GAS2L1: variants seen among roughly 807,000 people sequenced by gnomAD.
GAS2L1 encodes growth arrest specific 2 like 1.
GAS2L1 carries 26 observed loss-of-function variants against 44.0 expected under a neutral mutation model. That is an observed-to-expected ratio of 0.59 (90% CI 0.43 to 0.82). The LOEUF (loss-of-function observed/expected upper bound fraction) is 0.82. Among genes scored for constraint, GAS2L1 ranks in the 40% least tolerant of loss-of-function variants. The pLI, the probability that GAS2L1 is intolerant of heterozygous loss-of-function variation, is 0.00. For synonymous variants in GAS2L1, 426 were observed against 415.9 expected (o/e 1.02, Z -0.30); for missense variants, 1,006 against 983.0 (o/e 1.02, Z -0.31).
Position 29,311,415 on chromosome 22 carries a change from A to G in GAS2L1, c.1011-47A>G, listed in dbSNP as rs948676274. ...CCTCTCCCTGCCTGTTCTGCATGCCAGTCCTTCCGTGGTACCCCATCTGTC... is the reference window on the plus strand; with the variant it reads ...CCTCTCCCTGCCTGTTCTGCATGCCGGTCCTTCCGTGGTACCCCATCTGTC... On this transcript the variant is annotated intron_variant, in intron 4 of 4. Transcript: ENST00000618518. 7 of 737,360 alleles carry G rather than the reference A, an allele frequency of 9.5e-6. No homozygotes were observed. In the African/African-American group the frequency reaches 1.3e-4, roughly 13 times the overall value. The allele number at this position is 737,360 out of a possible 1,614,324, so 45.7% of individuals were successfully genotyped here. A position where few individuals can be genotyped will look rare whatever the true frequency, so the allele number is the denominator to read the frequency against.
intron 1 of GAS2L1, 56 bp from the exon 3 acceptor site, chr22:29,310,383 T>TA: frequency 1.0e-6 from 1 of 961,550 alleles, no homozygotes; most frequent in Non-Finnish European, 1.7e-6. Context: ...TGGCTGACAT[T>TA]AAGCCCCAGG....
chr22:29,310,221 A>C (rs1028363516), intron 1 of GAS2L1: 32 of 274,162 alleles, frequency 1.2e-4, no homozygotes, highest in African/African-American at 6.7e-4. Flanking sequence ...CAGCCTGGGC[A>C]ACAAGAGCAA....
intron 4 of GAS2L1, 170 bp from the exon 6 acceptor site, chr22:29,311,292 C>G (rs1413995374): frequency 2.6e-5 from 15 of 582,972 alleles, no homozygotes; most frequent in Non-Finnish European, 3.9e-5. Context: ...TTTTGGGGCC[C>G]TGGGCCGCTG....
At chr22:29,312,082 C>T (rs1377402510) in exon 5 of GAS2L1, 2 of 1,612,910 alleles carry the variant, frequency 1.2e-6, no homozygotes, top group Admixed American at 1.7e-5. Context: ...ACTGGACCAG[C>T]CCCTGACCCA....
At chr22:29,311,705 A>G in exon 5 of GAS2L1, 1 of 1,527,430 alleles carries the variant, frequency 6.5e-7, no homozygotes, top group Non-Finnish European at 8.8e-7. Context: ...GGGGGGCCCC[A>G]GGAGGCAGGG....
chr22:29,311,158 C>A, intron 4 of GAS2L1, 160 bp downstream of exon 5: 1 of 672,398 alleles, frequency 1.5e-6, no homozygotes, highest in Non-Finnish European at 2.5e-6. Context: ...GGCAACCCAA[C>A]CAAACCAACA....
chr22:29,312,480 C>A (rs775100856), exon 5 of GAS2L1: 1 of 1,509,940 alleles, frequency 6.6e-7, no homozygotes, highest in Non-Finnish European at 8.9e-7. Context: ...GAGGGCTGAG[C>A]CAGATTCCTG....
At chr22:29,308,958 G>A (rs759513167) in intron 1 of GAS2L1, among the ~76,000 whole-genome samples, 1 of 152,248 alleles carries the variant, frequency 6.6e-6, no homozygotes, top group Non-Finnish European at 1.5e-5. Context: ...AGCCCAGCCG[G>A]GCCTGGGACA....
exon 5 of GAS2L1, chr22:29,311,714 G>A (rs1278389662): frequency 9.1e-6 from 14 of 1,530,596 alleles, no homozygotes; most frequent in Non-Finnish European, 6.1e-6. Context: ...CAGGAGGCAG[G>A]GGAGCCCAGC....
In GAS2L1 at chr22:29,310,359, T is replaced by C. The variant is rs1235804612; in HGVS notation, c.634-80T>C. 20 of 800,060 alleles carry C rather than the reference T, an allele frequency of 2.5e-5. No homozygotes were observed. The East Asian group carries it at 2.7e-4, about 11-fold the overall frequency. 49.6% of individuals were successfully genotyped at this position (800,060 alleles called of 1,614,324 possible). ...CACTTACCCGGAAAGCCTGACTTCC[T>C]CCTGACCCTGGAATGGCTGACATTA... On this transcript the variant is annotated intron_variant, in intron 1 of 4. Coordinates refer to ENST00000618518, the Ensembl canonical transcript of GAS2L1.
At chr22:29,312,679 T>C in exon 5 of GAS2L1, 1 of 444,834 alleles carries the variant, frequency 2.2e-6, no homozygotes, top group African/African-American at 2.0e-5. Flanking sequence ...TGAGCGTTGC[T>C]ATTTAATTAC....
exon 5 of GAS2L1, chr22:29,311,839 G>C: frequency 6.3e-7 from 1 of 1,593,022 alleles, no homozygotes; most frequent in Non-Finnish European, 8.5e-7. Flanking sequence ...AGGGGCAGGG[G>C]CAGTGGGGGC....
chr22:29,308,158 C>G, exon 1 of GAS2L1: 1 of 1,591,068 alleles, frequency 6.3e-7, no homozygotes, highest in East Asian at 2.3e-5. Flanking sequence ...AGCGTGCGGC[C>G]ATTTCGCTCC....
chr22:29,311,041 G>T (rs2061399631), intron 4 of GAS2L1, 43 bp downstream of exon 5: 2 of 1,567,366 alleles, frequency 1.3e-6, no homozygotes, highest in Admixed American at 3.4e-5. Flanking sequence ...CAGAGGGTGG[G>T]GGGGCGTCAG....
exon 5 of GAS2L1, chr22:29,312,288 G>A (rs769776769): frequency 1.2e-5 from 19 of 1,609,308 alleles, no homozygotes; most frequent in Admixed American, 1.7e-5. Context: ...TGGCATGGGG[G>A]GGCCACTAGA....
At chr22:29,306,776 C>G (rs544724367), upstream of GAS2L1, 1 of 152,206 alleles carries the variant, frequency 6.6e-6, no homozygotes, top group African/African-American at 2.4e-5. Context: ...AGAGGTTGGA[C>G]GGGGCCCCGG....
Position 29,311,862 on chromosome 22 carries a change from AC to A in GAS2L1, c.1417del (p.Gln473ArgfsTer66), listed in dbSNP as rs1215426760. 5.0e-6 allele frequency: 8 copies of A among 1,594,528 alleles called. No homozygotes were observed. The highest frequency in any genetic ancestry group is 5.1e-6 in the Non-Finnish European group (6 of 1,177,800). On this transcript the variant is annotated frameshift_variant, in exon 5 of 5. Transcript: ENST00000618518. LOFTEE classifies it high-confidence loss of function. ...GGGCAGTGGGGGCTCGGGCAGGAGC[AC>A]CCCCCAGACTCCCCGTGCCCGCAGC... is the stretch of plus-strand genomic sequence containing the variant.
In GAS2L1 at chr22:29,311,568, GAC is replaced by G; in HGVS notation, c.1121_1122del (p.Thr374ArgfsTer159). On this transcript the variant is annotated frameshift_variant, in exon 5 of 5. Transcript: ENST00000618518. LOFTEE classifies it high-confidence loss of function. ...CGGCCCCCTTGGTACCCGCAGTGAT[GAC>G]ACAGGCACTGGCCCCCGGAGGGAGC... 1 of 1,542,692 alleles carries G rather than the reference GAC, an allele frequency of 6.5e-7. No individual in the cohort carries two copies. The highest frequency in any genetic ancestry group is 8.7e-7 in the Non-Finnish European group (1 of 1,146,576).
chr22:29,311,172 C>T (rs994570351), intron 4 of GAS2L1, 174 bp downstream of exon 5: 27 of 631,484 alleles, frequency 4.3e-5, no homozygotes, highest in Admixed American at 1.8e-4. Context: ...ACCAACAACA[C>T]AGCTGGGGCG....
Sources: gnomAD v4.1 joint callset for allele counts (sites outside exome capture counted in the v4.1 genomes callset) on GRCh38, gnomAD v4.1.1 for gene constraint, MANE v1.5 for transcripts, NCBI Gene and HGNC (gene_info 2026-07-23, HGNC 2026-07-21) for gene names.